KHDRBS3: variants seen among roughly 807,000 people sequenced by gnomAD.
The protein encoded by KHDRBS3 is KH domain-containing, RNA-binding, signal transduction-associated protein 3.
A neutral mutation model predicts 45.6 loss-of-function variants in KHDRBS3; 23 were observed. The observed-to-expected ratio is 0.50, with a 90% CI of 0.36 to 0.72. KHDRBS3 has a LOEUF of 0.72. KHDRBS3 is among the 30% of genes least tolerant of loss of function. KHDRBS3 has a pLI of 0.00. For missense variants in KHDRBS3, 352 were observed against 424.8 expected, an observed-to-expected ratio of 0.83 and a Z score of 1.51; for synonymous variants, 162 against 156.5, an observed-to-expected ratio of 1.04 and a Z score of -0.26.
intron 7 of KHDRBS3, among the ~76,000 whole-genome samples, chr8:135,611,725 T>G (rs1476690336): frequency 2.0e-5 from 3 of 151,898 alleles, no homozygotes; most frequent in African/African-American, 7.3e-5. Flanking sequence ...ATCAGCTCTT[T>G]AAAGGCATTG....
intron 7 of KHDRBS3, among the ~76,000 whole-genome samples, chr8:135,631,252 GAAA>G (rs35613635): frequency 1.3e-5 from 1 of 74,986 alleles, no homozygotes. Flanking sequence ...CTCCGTCTCG[GAAA>G]AAAAAAAAAA....
At chr8:135,651,054 T>G (rs1831418535), downstream of KHDRBS3, among the ~76,000 whole-genome samples, 1 of 152,184 alleles carries the variant, frequency 6.6e-6, no homozygotes, top group Admixed American at 6.5e-5. Context: ...GAGATACATG[T>G]GCTTTCTAGG....
In KHDRBS3 at chr8:135,508,684, T is replaced by G. The variant is rs189751447; in HGVS notation, c.89-12553T>G. Reference sequence around the variant, plus strand: ...CAAAGTTAGTGACTTAAGTCATTACTAACTTGAATTAGTCCGGTGCACTGG... The same window carrying G: ...CAAAGTTAGTGACTTAAGTCATTACGAACTTGAATTAGTCCGGTGCACTGG... On this transcript the variant is annotated intron_variant, in intron 1 of 8. Transcript: ENST00000355849. Among the ~76,000 whole-genome samples the G allele has an allele frequency of 3.9e-5, 6 of 152,320 alleles. No homozygotes were observed. In the East Asian group the frequency reaches 1.2e-3, roughly 29 times the overall value.
chr8:135,462,078 G>A (rs553468044), intron 1 of KHDRBS3, among the ~76,000 whole-genome samples: 1 of 152,170 alleles, frequency 6.6e-6, no homozygotes, highest in South Asian at 2.1e-4. Flanking sequence ...GGATTTGCTT[G>A]AATGTCACAG....
At chr8:135,632,470 T>A (rs1167154405) in intron 7 of KHDRBS3, among the ~76,000 whole-genome samples, 1 of 151,984 alleles carries the variant, frequency 6.6e-6, no homozygotes, top group African/African-American at 2.4e-5. Context: ...CCAAGAGCAA[T>A]GATGATGACT....
At chr8:135,646,577 G>A (rs991811335) in intron 8 of KHDRBS3, among the ~76,000 whole-genome samples, 2 of 152,066 alleles carry the variant, frequency 1.3e-5, no homozygotes, top group Non-Finnish European at 2.9e-5. Context: ...GTTTACCTAT[G>A]TTTTTTCTTT....
intron 5 of KHDRBS3, among the ~76,000 whole-genome samples, chr8:135,564,909 C>T (rs973881229): frequency 6.6e-6 from 1 of 152,060 alleles, no homozygotes; most frequent in Non-Finnish European, 1.5e-5. Flanking sequence ...AGACACAAGA[C>T]GCAAACACAG....
chr8:135,642,866 C>T (rs1486018503), intron 7 of KHDRBS3, among the ~76,000 whole-genome samples: 1 of 151,228 alleles, frequency 6.6e-6, no homozygotes, highest in African/African-American at 2.4e-5. Context: ...AATCTCAGCT[C>T]ACTGCAACGT....
At chr8:135,582,503 A>G (rs1828264017) in intron 6 of KHDRBS3, among the ~76,000 whole-genome samples, 1 of 152,222 alleles carries the variant, frequency 6.6e-6, no homozygotes, top group South Asian at 2.1e-4. Context: ...CTTAGTGGAA[A>G]TTCTTTTCAG....
intron 4 of KHDRBS3, among the ~76,000 whole-genome samples, chr8:135,554,338 A>G (rs1332827534): frequency 8.5e-5 from 13 of 152,170 alleles, no homozygotes. Context: ...CATACAATTT[A>G]GTATTACACC....
chr8:135,616,469 C>CT (rs1246016115), intron 7 of KHDRBS3, among the ~76,000 whole-genome samples: 2 of 152,166 alleles, frequency 1.3e-5, no homozygotes, highest in African/African-American at 4.8e-5. Flanking sequence ...TCACTTTACT[C>CT]TTTAATGTTC....
At chr8:135,539,803 G>A (rs555746414) in intron 2 of KHDRBS3, 3 of 152,170 alleles carry the variant, frequency 2.0e-5, no homozygotes, top group Non-Finnish European at 2.9e-5. Context: ...AGTGTTTCTG[G>A]TTGTCACAGT....
chr8:135,606,882 A>C (rs1175089746), intron 6 of KHDRBS3, 73 bp from the exon 7 acceptor site: 4 of 1,166,072 alleles, frequency 3.4e-6, no homozygotes, highest in Non-Finnish European at 5.1e-6. Context: ...ATGGAAATTC[A>C]CTAAAAGCAG....
At chr8:135,654,141 G>A (rs1449952399) in intron 4 of KHDRBS3, among the ~76,000 whole-genome samples, 1 of 152,058 alleles carries the variant, frequency 6.6e-6, no homozygotes, top group Non-Finnish European at 1.5e-5. Flanking sequence ...TCACTTTGAA[G>A]TATGTCTTAG....
chr8:135,565,018 G>A (rs531137997), intron 5 of KHDRBS3, among the ~76,000 whole-genome samples: 2 of 152,140 alleles, frequency 1.3e-5, no homozygotes, highest in East Asian at 1.9e-4. Flanking sequence ...TGGGAGACAC[G>A]TGGGAGTGCT....
In KHDRBS3 at chr8:135,581,933, C is replaced by A; in HGVS notation, c.667C>A (p.Pro223Thr). The change falls in exon 6 of 9, where the codon CCA becomes ACA. Residue 223 changes from proline to threonine, a missense_variant. By Grantham distance (38) the Pro-to-Thr change is conservative. This residue lies in a region of KHDRBS3 where 212 missense variants were observed against 209.6 expected (regional missense o/e 1.01). Transcript: ENST00000355849. The part of the protein sequence containing the change: ...PVGVVVPRGT[P>T]TPRGVLSTRG... ...TGGAGTTGTAGTACCACGAGGGACGCCAACTCCCAGAGGAGTCCTGTCCAC... is the reference window on the plus strand; with the variant it reads ...TGGAGTTGTAGTACCACGAGGGACGACAACTCCCAGAGGAGTCCTGTCCAC... The A allele has an allele frequency of 6.2e-7, 1 of 1,612,510 alleles. No homozygotes were observed. Among genetic ancestry groups the A allele is most frequent in the Non-Finnish European group, 8.5e-7 (1 of 1,179,046 alleles).
intron 2 of KHDRBS3, among the ~76,000 whole-genome samples, chr8:135,526,200 C>T (rs1176711032): frequency 2.6e-5 from 4 of 151,830 alleles, no homozygotes; most frequent in Admixed American, 6.6e-5. Flanking sequence ...ATGCATTTCT[C>T]GGAATGTGTT....
chr8:135,617,402 C>T (rs1448658003), intron 7 of KHDRBS3, among the ~76,000 whole-genome samples: 1 of 152,052 alleles, frequency 6.6e-6, no homozygotes, highest in South Asian at 2.1e-4. Context: ...CTCAGCCTCC[C>T]AGGTAGCTGG....
chr8:135,612,143 C>T (rs1829730725), intron 7 of KHDRBS3, among the ~76,000 whole-genome samples: 1 of 151,838 alleles, frequency 6.6e-6, no homozygotes, highest in Non-Finnish European at 1.5e-5. Context: ...GAAATCACCT[C>T]GGTGCCAAAA....
Sources: allele counts gnomAD v4.1 joint callset (sites outside exome capture counted in the v4.1 genomes callset), GRCh38; gene constraint gnomAD v4.1.1; regional missense constraint gnomAD v4.1.1; transcripts MANE v1.5; gene names NCBI Gene and HGNC (gene_info 2026-07-23, HGNC 2026-07-21).